Variants in GCC2 observed in about 807,000 individuals in gnomAD.
GCC2 encodes GRIP and coiled-coil domain containing 2, also known as GRIP and coiled-coil domain-containing protein 2.
Under a neutral mutation model 210.6 loss-of-function variants are expected in GCC2, and 120 were observed. The observed-to-expected ratio is 0.57, with a 90% CI of 0.49 to 0.66. GCC2 has a LOEUF of 0.66. GCC2 is among the 30% of genes least tolerant of loss of function. The probability of loss-of-function intolerance (pLI) is 0.00; values close to 1 mark genes in which losing one functional copy is unlikely to be tolerated. For missense variants in GCC2, 1,868 were observed against 1,871.9 expected (o/e 1.00, Z 0.04); for synonymous variants, 703 against 652.7 (o/e 1.08, Z -1.17).
At chr2:108,462,303 T>A (rs1221204363) in intron 4 of GCC2, among the ~76,000 whole-genome samples, 2 of 144,864 alleles carry the variant, frequency 1.4e-5, no homozygotes, top group Non-Finnish European at 3.0e-5. Flanking sequence ...CCACCCTGGC[T>A]AACACAGTGA....
At chr2:108,481,052 GA>G (rs1262854006) in intron 9 of GCC2, among the ~76,000 whole-genome samples, 11 of 152,190 alleles carry the variant, frequency 7.2e-5, no homozygotes, top group African/African-American at 2.7e-4. Context: ...ATGCAGTCTC[GA>G]AACTGAATCT....
At chr2:108,505,137 G>A (rs2104521664) in intron 22 of GCC2, among the ~76,000 whole-genome samples, 1 of 152,348 alleles carries the variant, frequency 6.6e-6, no homozygotes, top group Middle Eastern at 3.4e-3. Context: ...GCAGGGGCCT[G>A]CCAGATCTGA....
chr2:108,507,032 G>C (rs1438763621), intron 22 of GCC2, among the ~76,000 whole-genome samples: 1 of 152,136 alleles, frequency 6.6e-6, no homozygotes, highest in Non-Finnish European at 1.5e-5. Context: ...AAAATTAGCT[G>C]TTAAGTTGGC....
chr2:108,453,006 A>G (rs1282782050), intron 4 of GCC2, among the ~76,000 whole-genome samples: 2 of 152,048 alleles, frequency 1.3e-5, no homozygotes, highest in Non-Finnish European at 2.9e-5. Context: ...TTTTCTAATT[A>G]TGGTTGTTAC....
chr2:108,489,591 C>G (rs1188924804), intron 17 of GCC2, among the ~76,000 whole-genome samples: 2 of 151,692 alleles, frequency 1.3e-5, no homozygotes, highest in Non-Finnish European at 2.9e-5. Flanking sequence ...TTTTGATGCC[C>G]CTTTTTGAAT....
chr2:108,458,981 C>T (rs956459361), intron 4 of GCC2, among the ~76,000 whole-genome samples: 7 of 152,082 alleles, frequency 4.6e-5, no homozygotes, highest in Admixed American at 1.3e-4. Flanking sequence ...TTGGCTTGTT[C>T]TTTCTGGTTC....
At position 108,482,440 on chromosome 2, in the gene GCC2, C is replaced by T. The variant is rs775966369; in HGVS notation, c.3334C>T (p.Gln1112Ter). 2.0e-6 allele frequency: 3 copies of T among 1,537,246 alleles called. No individual in the cohort carries two copies. Among genetic ancestry groups the T allele is most frequent in the Non-Finnish European group, 1.8e-6 (2 of 1,115,832 alleles). Residue 1112 changes from glutamine to a stop codon, truncating the protein, a stop_gained, in exon 11 of 23, where the codon CAG becomes TAG. Transcript: ENST00000309863. LOFTEE classifies it high-confidence loss of function. ...ELEAEKLQKE[Q>*]KIKEHATTVN... ...AGAAGCTGAAAAACTTCAGAAAGAA[C>T]AGAAGATAAAGGTAAAAACAATCCT...
intron 12 of GCC2, 54 bp downstream of exon 12, chr2:108,483,220 T>C (rs1412446861): frequency 2.2e-6 from 2 of 920,048 alleles, no homozygotes; most frequent in Non-Finnish European, 3.5e-6. Flanking sequence ...TGTTCTGTTT[T>C]GTTGTTCTGT....
chr2:108,456,364 C>T (rs959113345), intron 4 of GCC2, among the ~76,000 whole-genome samples: 2 of 152,208 alleles, frequency 1.3e-5, no homozygotes, highest in African/African-American at 2.4e-5. Context: ...TCTTTCTCCA[C>T]ATTGTCATCA....
intron 3 of GCC2, among the ~76,000 whole-genome samples, chr2:108,451,841 CTTTT>C (rs367697586): frequency 8.0e-6 from 1 of 124,918 alleles, no homozygotes. Context: ...CTCTCTCTCT[CTTTT>C]TTTTTTTTTT....
chr2:108,504,694 A>G (rs1347517415), intron 22 of GCC2, among the ~76,000 whole-genome samples: 1 of 152,214 alleles, frequency 6.6e-6, no homozygotes, highest in Non-Finnish European at 1.5e-5. Context: ...TAAGTTAGCC[A>G]TATAGTACTT....
chr2:108,485,932 T>TA (rs750597930), intron 15 of GCC2, 24 bp downstream of exon 15: 96 of 1,297,606 alleles, frequency 7.4e-5, no homozygotes, highest in Admixed American at 4.4e-4. Context: ...TTTTTAAGAT[T>TA]AAAAAAATGT....
chr2:108,470,799 A>T lies in GCC2; in HGVS notation c.1470A>T (p.Leu490Phe). Reference sequence around the variant, plus strand: ...GTTTACGAGAGATTATGGAAATTTTACAAACAGAACTGGGGGAATCTGCTG... The same window carrying T: ...GTTTACGAGAGATTATGGAAATTTTTCAAACAGAACTGGGGGAATCTGCTG... ...YESLREIMEI[L>F]QTELGESAGK... is the part of the protein sequence containing the mutation. Residue 490 changes from leucine to phenylalanine, a missense_variant, in exon 6 of 23, where the codon TTA (leucine) becomes TTT (phenylalanine). Leu to Phe is a conservative substitution (Grantham distance 22). Around this residue, in one of 3 missense-constraint regions of GCC2, gnomAD observed 1,847 missense variants for 1,765.2 expected, o/e 1.05. Coordinates refer to ENST00000309863, the MANE Select transcript of GCC2 (RefSeq NM_181453.4). 6.2e-7 allele frequency: 1 copy of T among 1,613,712 alleles called. No individual in the cohort carries two copies. The highest frequency in any genetic ancestry group is 1.1e-5 in the South Asian group (1 of 91,000).
At chr2:108,479,854 T>C (rs1681746124) in intron 9 of GCC2, among the ~76,000 whole-genome samples, 1 of 151,712 alleles carries the variant, frequency 6.6e-6, no homozygotes, top group Admixed American at 6.6e-5. Context: ...TGGTAGCACA[T>C]GCCTGTAATC....
chr2:108,449,772 G>T, intron 2 of GCC2, 83 bp downstream of exon 2: 6 of 886,906 alleles, frequency 6.8e-6, no homozygotes, highest in Admixed American at 2.1e-5. Flanking sequence ...GAAGGGGGGG[G>T]CGCTGATTTT....
chr2:108,478,387 C>G (rs905192736), intron 9 of GCC2, among the ~76,000 whole-genome samples: 1 of 152,120 alleles, frequency 6.6e-6, no homozygotes, highest in East Asian at 1.9e-4. Flanking sequence ...ACACATGTAC[C>G]TACGCTCTAT....
rs59825625 is a variant in GCC2, at chr2:108,466,464, T to TTTTATTTA, written c.217-2500_217-2493dup. Among the ~76,000 whole-genome samples the TTTTATTTA allele has an allele frequency of 3.4e-3, 520 of 151,146 alleles. 3 individuals are homozygous for TTTTATTTA. The highest frequency in any genetic ancestry group is 0.012 in the African/African-American group (479 of 41,168). On this transcript the variant is annotated intron_variant, in intron 4 of 22. Transcript: ENST00000309863. ...ATCTTCTCCCAGCTTATGGTTTCTT[T>TTTTATTTA]TTTATTTATTTATTTATTTATTTTT...
At chr2:108,452,147 G>A (rs957061897) in intron 3 of GCC2, among the ~76,000 whole-genome samples, 5 of 152,086 alleles carry the variant, frequency 3.3e-5, no homozygotes, top group Non-Finnish European at 5.9e-5. Context: ...ATGATGTCTG[G>A]GGTATGCTTG....
Position 108,472,810 on chromosome 2 carries a change from TC to T in GCC2, c.2788-13del. The stretch of plus-strand genomic sequence containing the variant: ...TTTTGTTTTGTTTTGTGTTTTTTTT[TC>T]CCCTGTAAAATCTAGGATTCCTTAG... On this transcript the variant is annotated splice_polypyrimidine_tract_variant and intron_variant, in intron 6 of 22. Coordinates refer to ENST00000309863, the MANE Select transcript of GCC2 (RefSeq NM_181453.4). 6.9e-7 allele frequency: 1 copy of T among 1,444,574 alleles called. No homozygotes were observed. The allele number at this position is 1,444,574 out of a possible 1,614,324, so 89.5% of individuals were successfully genotyped here.
Sources: allele counts gnomAD v4.1 joint callset (sites outside exome capture counted in the v4.1 genomes callset), GRCh38; gene constraint gnomAD v4.1.1; regional missense constraint gnomAD v4.1.1; transcripts MANE v1.5; gene names NCBI Gene and HGNC (gene_info 2026-07-23, HGNC 2026-07-21).